The following LRRC4C variants were observed in gnomAD, a reference collection of about 807,000 sequenced individuals.
LRRC4C encodes the protein leucine rich repeat containing 4C.
Under a neutral mutation model 33.6 loss-of-function variants are expected in LRRC4C, and 5 were observed. The observed-to-expected ratio is 0.15, with a 90% CI of 0.08 to 0.31. The LOEUF (loss-of-function observed/expected upper bound fraction) is 0.31. Among genes scored for constraint, LRRC4C ranks in the 10% least tolerant of loss-of-function variants. The pLI is 1.00. For missense variants in LRRC4C, 560 were observed against 796.7 expected (o/e 0.70, Z 3.58); for synonymous variants, 329 against 302.0 (o/e 1.09, Z -0.93).
At chr11:40,651,513 T>G (rs7394597) in intron 2 of LRRC4C, among the ~76,000 whole-genome samples, 57,177 of 152,006 alleles carry the variant, frequency 0.38, 11,826 homozygotes, top group East Asian at 0.61. Context: ...ATATGCCACT[T>G]TTAAAATTTA....
At chr11:41,119,787 T>G (rs770284794) in intron 1 of LRRC4C, among the ~76,000 whole-genome samples, 20 of 152,170 alleles carry the variant, frequency 1.3e-4, no homozygotes, top group Non-Finnish European at 5.9e-5. Context: ...TTAGGCTAGA[T>G]ACATTTATGC....
chr11:40,995,684 T>C (rs1210800938), intron 1 of LRRC4C, among the ~76,000 whole-genome samples: 1 of 152,154 alleles, frequency 6.6e-6, no homozygotes, highest in Non-Finnish European at 1.5e-5. Context: ...ATATGTTGCT[T>C]CTTGTCTTTT....
chr11:40,778,562 C>T (rs755777983), intron 2 of LRRC4C, among the ~76,000 whole-genome samples: 2 of 152,018 alleles, frequency 1.3e-5, no homozygotes, highest in Admixed American at 1.3e-4. Context: ...GTGCTAAATG[C>T]TCAGGAGAAA....
chr11:40,924,449 C>T (rs1464398157), intron 2 of LRRC4C, among the ~76,000 whole-genome samples: 2 of 149,716 alleles, frequency 1.3e-5, no homozygotes, highest in Admixed American at 6.7e-5. Flanking sequence ...TACTAGTAGT[C>T]TGGGCAACAA....
intron 3 of LRRC4C, among the ~76,000 whole-genome samples, chr11:40,458,253 T>A (rs1232613822): frequency 6.6e-6 from 1 of 152,034 alleles, no homozygotes; most frequent in Non-Finnish European, 1.5e-5. Context: ...TGCACACACA[T>A]GTGTATGTAG....
At chr11:41,129,044 T>C (rs1942887873) in intron 1 of LRRC4C, among the ~76,000 whole-genome samples, 2 of 152,132 alleles carry the variant, frequency 1.3e-5, no homozygotes, top group South Asian at 4.1e-4. Context: ...TCTTGACAGA[T>C]ATTGCCTGAC....
At chr11:40,475,205 A>C (rs1422730996) in intron 3 of LRRC4C, among the ~76,000 whole-genome samples, 1 of 152,182 alleles carries the variant, frequency 6.6e-6, no homozygotes, top group Non-Finnish European at 1.5e-5. Context: ...ACCAACCCAA[A>C]TGCCCATCAA....
chr11:40,793,475 A>G (rs1016543136), intron 2 of LRRC4C, among the ~76,000 whole-genome samples: 1 of 152,222 alleles, frequency 6.6e-6, no homozygotes, highest in African/African-American at 2.4e-5. Flanking sequence ...AGTAAAAGCA[A>G]TTAAAACTAC....
chr11:40,373,017 G>A (rs1948517758), intron 3 of LRRC4C, among the ~76,000 whole-genome samples: 1 of 152,094 alleles, frequency 6.6e-6, no homozygotes, highest in Non-Finnish European at 1.5e-5. Context: ...GAATTACTAT[G>A]TCTGGTAATG....
chr11:40,151,673 A>T (rs1224962839), intron 5 of LRRC4C, among the ~76,000 whole-genome samples: 1 of 152,164 alleles, frequency 6.6e-6, no homozygotes, highest in Non-Finnish European at 1.5e-5. Flanking sequence ...AGCCCCCTTG[A>T]TGAAGGCCAA....
intron 1 of LRRC4C, among the ~76,000 whole-genome samples, chr11:41,011,426 G>C (rs370752490): frequency 8.6e-5 from 13 of 151,974 alleles, no homozygotes; most frequent in East Asian, 7.7e-4. Flanking sequence ...GTAGCTGGTT[G>C]GGTCTTTCAA....
At chr11:40,718,396 C>T (rs759736699) in intron 2 of LRRC4C, among the ~76,000 whole-genome samples, 42 of 152,180 alleles carry the variant, frequency 2.8e-4, no homozygotes, top group Middle Eastern at 3.4e-3. Flanking sequence ...CCCTGGGGTG[C>T]GAGAAAGCAA....
At chr11:40,753,355 T>C (rs187488541) in intron 2 of LRRC4C, among the ~76,000 whole-genome samples, 4 of 152,102 alleles carry the variant, frequency 2.6e-5, no homozygotes, top group Non-Finnish European at 4.4e-5. Flanking sequence ...GACATCATTA[T>C]TGAACAATTT....
chr11:40,636,789 C>T (rs1941777746), intron 3 of LRRC4C, among the ~76,000 whole-genome samples: 1 of 152,176 alleles, frequency 6.6e-6, no homozygotes, highest in Non-Finnish European at 1.5e-5. Context: ...AAAATGTCCA[C>T]AGTCATTTCT....
At chr11:40,484,317 C>T (rs1296810549) in intron 3 of LRRC4C, among the ~76,000 whole-genome samples, 1 of 151,754 alleles carries the variant, frequency 6.6e-6, no homozygotes, top group Non-Finnish European at 1.5e-5. Flanking sequence ...ATGCAAATGC[C>T]CATCAATAGG....
chr11:41,394,351 C>A (rs1380726581), intron 1 of LRRC4C, among the ~76,000 whole-genome samples: 1 of 151,944 alleles, frequency 6.6e-6, no homozygotes, highest in African/African-American at 2.4e-5. Context: ...GGGACTTAAT[C>A]TAATTTGCAA....
chr11:40,358,301 C>T (rs1158330728), intron 3 of LRRC4C, among the ~76,000 whole-genome samples: 1 of 152,048 alleles, frequency 6.6e-6, no homozygotes, highest in Non-Finnish European at 1.5e-5. Context: ...GAGACAGGGT[C>T]TCACTCTGTC....
rs990246715 is a variant in LRRC4C, at chr11:40,621,300, ACTTGTTTCTGGCC to A, written c.-270+26829_-270+26841del. Reference sequence around the variant, plus strand: ...GGAACATTTTTAGGACATAAAGTCTACTTGTTTCTGGCCCTTGTCTACATCTCTAAGCTTAACT... The same window carrying A: ...GGAACATTTTTAGGACATAAAGTCTACTTGTCTACATCTCTAAGCTTAACT... On this transcript the variant is annotated intron_variant, in intron 3 of 6. Transcript: ENST00000528697. 2.0e-5 allele frequency among the ~76,000 whole-genome samples: 3 copies of A among 151,372 alleles called. No individual in the cohort carries two copies. In the Admixed American group the frequency reaches 2.0e-4, roughly 10 times the overall value.
intron 1 of LRRC4C, among the ~76,000 whole-genome samples, chr11:41,202,935 G>A (rs1396329587): frequency 6.6e-6 from 1 of 152,086 alleles, no homozygotes; most frequent in Non-Finnish European, 1.5e-5. Flanking sequence ...ACAGGCATGT[G>A]CCACCATATC....
Sources: gnomAD v4.1 joint callset for allele counts (sites outside exome capture counted in the v4.1 genomes callset) on GRCh38, gnomAD v4.1.1 for gene constraint, MANE v1.5 for transcripts, NCBI Gene and HGNC (gene_info 2026-07-23, HGNC 2026-07-21) for gene names.